The following RBFOX1 variants were observed in gnomAD, a reference collection of about 807,000 sequenced individuals.
RBFOX1 encodes the protein RNA binding protein fox-1 homolog 1.
Under a neutral mutation model 57.7 loss-of-function variants are expected in RBFOX1, and 8 were observed. The ratio of observed to expected loss-of-function variants is 0.14; its 90% CI spans 0.08 to 0.25. The LOEUF (loss-of-function observed/expected upper bound fraction) is 0.25. Among genes scored for constraint, RBFOX1 ranks in the 10% least tolerant of loss-of-function variants. The pLI, the probability that RBFOX1 is intolerant of heterozygous loss-of-function variation, is 1.00. For synonymous variants in RBFOX1, 326 were observed against 222.4 expected, an observed-to-expected ratio of 1.47 and a Z score of -4.15; for missense variants, 611 against 548.5, an observed-to-expected ratio of 1.11 and a Z score of -1.14.
intron 1 of RBFOX1, among the ~76,000 whole-genome samples, chr16:6,200,927 C>T (rs1362441105): frequency 3.0e-5 from 4 of 133,716 alleles, no homozygotes; most frequent in African/African-American, 8.3e-5. Context: ...ATAGAGTTTT[C>T]GGTGTTAACT....
At chr16:5,492,994 C>T (rs1381212888) in intron 2 of RBFOX1, among the ~76,000 whole-genome samples, 5 of 152,216 alleles carry the variant, frequency 3.3e-5, no homozygotes, top group Admixed American at 3.3e-4. Flanking sequence ...AAATCTGGTC[C>T]ACTGCCTATC....
At chr16:6,302,798 G>A (rs2078973963) in intron 1 of RBFOX1, among the ~76,000 whole-genome samples, 1 of 152,148 alleles carries the variant, frequency 6.6e-6, no homozygotes, top group Non-Finnish European at 1.5e-5. Flanking sequence ...GCAGACATGA[G>A]ACTAAACTTA....
intron 13 of RBFOX1, among the ~76,000 whole-genome samples, chr16:7,671,785 A>G (rs1488835209): frequency 6.6e-6 from 1 of 152,232 alleles, no homozygotes. Context: ...CCCTGTATCT[A>G]TCAGTATATC....
chr16:6,169,874 C>G (rs2096945790), intron 1 of RBFOX1, among the ~76,000 whole-genome samples: 1 of 152,168 alleles, frequency 6.6e-6, no homozygotes, highest in Non-Finnish European at 1.5e-5. Flanking sequence ...AAGTGATTCT[C>G]TGGCCTCAGC....
intron 2 of RBFOX1, among the ~76,000 whole-genome samples, chr16:6,610,734 C>T (rs1048959717): frequency 3.3e-5 from 5 of 152,276 alleles, no homozygotes; most frequent in Admixed American, 2.0e-4. Context: ...CAGCAGCTTC[C>T]GCCAAACAAT....
chr16:5,756,223 C>CAAAA (rs5815266), intron 3 of RBFOX1, among the ~76,000 whole-genome samples: 101 of 50,944 alleles, frequency 2.0e-3, no homozygotes, highest in African/African-American at 2.7e-3. Context: ...TCCACATAAG[C>CAAAA]AAAAAAAAAA....
intron 7 of RBFOX1, among the ~76,000 whole-genome samples, chr16:7,590,559 G>A (rs556127137): frequency 6.3e-4 from 95 of 151,906 alleles, no homozygotes; most frequent in Non-Finnish European, 2.8e-4. Flanking sequence ...TACTCCCTAC[G>A]TATATACTTA....
chr16:5,717,815 G>T (rs2051771023), intron 3 of RBFOX1, among the ~76,000 whole-genome samples: 1 of 152,112 alleles, frequency 6.6e-6, no homozygotes. Context: ...CGATTTATTC[G>T]ATCCTCACAA....
intron 4 of RBFOX1, among the ~76,000 whole-genome samples, chr16:7,406,615 A>G (rs1304506737): frequency 6.6e-6 from 1 of 152,238 alleles, no homozygotes; most frequent in Non-Finnish European, 1.5e-5. Flanking sequence ...GCCTGCCTCT[A>G]AAACTCTCTG....
intron 1 of RBFOX1, among the ~76,000 whole-genome samples, chr16:6,125,860 G>C (rs991588445): frequency 2.0e-5 from 3 of 152,080 alleles, no homozygotes; most frequent in Non-Finnish European, 2.9e-5. Context: ...TACTGATACT[G>C]CCGGGGAGAG....
At chr16:6,825,343 A>C (rs1302069968) in intron 3 of RBFOX1, among the ~76,000 whole-genome samples, 6 of 151,842 alleles carry the variant, frequency 4.0e-5, no homozygotes, top group African/African-American at 1.2e-4. Flanking sequence ...GCTGGTGTTG[A>C]GAATCAGTCT....
chr16:6,979,618 T>A (rs2088114903), intron 3 of RBFOX1, among the ~76,000 whole-genome samples: 1 of 152,202 alleles, frequency 6.6e-6, no homozygotes, highest in East Asian at 1.9e-4. Flanking sequence ...ATTCACAGTT[T>A]GGGGAGCTCA....
chr16:5,521,760 G>T (rs867074052), intron 2 of RBFOX1, among the ~76,000 whole-genome samples: 1 of 152,164 alleles, frequency 6.6e-6, no homozygotes, highest in African/African-American at 2.4e-5. Flanking sequence ...ATATACCCAG[G>T]TATGCATCTC....
At chr16:7,385,992 T>C (rs75711261) in intron 4 of RBFOX1, among the ~76,000 whole-genome samples, 12,282 of 151,282 alleles carry the variant, frequency 0.081, 552 homozygotes, top group East Asian at 0.2. Flanking sequence ...AGTTTCACCA[T>C]GTTGGCCAGG....
chr16:6,573,099 C>G (rs1013234983), intron 2 of RBFOX1, among the ~76,000 whole-genome samples: 1 of 152,140 alleles, frequency 6.6e-6, no homozygotes, highest in Admixed American at 6.5e-5. Flanking sequence ...CCCTCAGACC[C>G]TAGACCATGG....
chr16:7,362,494 T>G (rs914343189), intron 4 of RBFOX1, among the ~76,000 whole-genome samples: 1 of 148,434 alleles, frequency 6.7e-6, no homozygotes, highest in Non-Finnish European at 1.5e-5. Context: ...TGTGTATATG[T>G]TAGTATGTGC....
At chr16:7,215,415 A>G (rs1052671897) in intron 4 of RBFOX1, among the ~76,000 whole-genome samples, 3 of 152,198 alleles carry the variant, frequency 2.0e-5, no homozygotes, top group African/African-American at 7.2e-5. Context: ...CTTGGAACCA[A>G]CCCAAATGTC....
In RBFOX1 at chr16:5,458,728, A is replaced by G. The variant is rs576556973; in HGVS notation, c.220-8488A>G. 8.5e-5 allele frequency among the ~76,000 whole-genome samples: 13 copies of G among 152,238 alleles called. No homozygotes were observed. In the South Asian group the frequency reaches 1.0e-3, roughly 12 times the overall value. On this transcript the variant is annotated intron_variant, in intron 1 of 2. Transcript: ENST00000585867. ...GTTTTGGCTATCTGTATTCCTAACA[A>G]CAGGAGAATATAACAAAACTTAAAC...
intron 10 of RBFOX1, among the ~76,000 whole-genome samples, chr16:7,618,031 T>A (rs917007404): frequency 3.3e-5 from 5 of 152,014 alleles, no homozygotes; most frequent in African/African-American, 1.2e-4. Flanking sequence ...ACATGCTTGA[T>A]CTTCACCTGA....
Sources: gnomAD v4.1 joint callset for allele counts (sites outside exome capture counted in the v4.1 genomes callset) on GRCh38, gnomAD v4.1.1 for gene constraint, MANE v1.5 for transcripts, NCBI Gene and HGNC (gene_info 2026-07-23, HGNC 2026-07-21) for gene names.